The following SENP7 variants were observed in gnomAD, a reference collection of about 807,000 sequenced individuals.
SENP7 encodes the protein SUMO specific peptidase 7, also known as sentrin-specific protease 7.
Under a neutral mutation model 141.2 loss-of-function variants are expected in SENP7, and 64 were observed. That is an observed-to-expected ratio of 0.45 (90% confidence interval 0.37 to 0.56). The LOEUF is 0.56. SENP7 is among the 20% of genes least tolerant of loss of function. The pLI is 0.00. For synonymous variants in SENP7, 382 were observed against 426.4 expected (o/e 0.90, Z 1.28); for missense variants, 1,025 against 1,212.2 (o/e 0.85, Z 2.29).
intron 3 of SENP7, among the ~76,000 whole-genome samples, chr3:101,485,590 G>A (rs1233331891): frequency 3.9e-5 from 6 of 152,072 alleles, no homozygotes; most frequent in African/African-American, 9.7e-5. Context: ...ATATGCCATG[G>A]GACAAAAGAA....
intron 2 of SENP7, among the ~76,000 whole-genome samples, chr3:101,500,361 C>T (rs1028537743): frequency 1.3e-5 from 2 of 152,054 alleles, no homozygotes; most frequent in African/African-American, 4.8e-5. Flanking sequence ...GTGAGACCAG[C>T]CTGGGCAACA....
At chr3:101,504,908 G>A (rs1456283265) in intron 1 of SENP7, among the ~76,000 whole-genome samples, 3 of 151,958 alleles carry the variant, frequency 2.0e-5, no homozygotes, top group African/African-American at 7.3e-5. Context: ...GGTCTCAGCT[G>A]CTTGGGAGGC....
chr3:101,474,923 A>T (rs186760214), intron 3 of SENP7, among the ~76,000 whole-genome samples: 86 of 152,298 alleles, frequency 5.6e-4, no homozygotes, highest in African/African-American at 1.8e-3. Flanking sequence ...GAAGATTTAG[A>T]CTGGCTGAAT....
chr3:101,458,695 A>G (rs2063441520), intron 4 of SENP7: 1 of 232,352 alleles, frequency 4.3e-6, no homozygotes, highest in African/African-American at 2.3e-5. Flanking sequence ...ACAATGATTC[A>G]ATCATCATTA....
chr3:101,442,082 C>T (rs2062697639), intron 4 of SENP7, among the ~76,000 whole-genome samples: 1 of 152,108 alleles, frequency 6.6e-6, no homozygotes, highest in Admixed American at 6.5e-5. Flanking sequence ...AAAGAAACAA[C>T]TGTCACACCA....
chr3:101,482,163 A>T (rs571837353), intron 3 of SENP7, among the ~76,000 whole-genome samples: 109 of 152,106 alleles, frequency 7.2e-4, no homozygotes, highest in African/African-American at 2.3e-3. Context: ...ACAAAAAAAA[A>T]TTAGCCAGGT....
intron 11 of SENP7, chr3:101,358,524 A>G (rs532640713): frequency 1.2e-4 from 33 of 266,606 alleles, no homozygotes; most frequent in African/African-American, 6.9e-4. Flanking sequence ...AAAGAATGTG[A>G]CAAAGCTTTT....
At chr3:101,342,512 C>A (rs2059353033) in intron 14 of SENP7, among the ~76,000 whole-genome samples, 2 of 152,134 alleles carry the variant, frequency 1.3e-5, no homozygotes, top group African/African-American at 4.8e-5. Context: ...TCTTATCATA[C>A]ACAACCATAA....
At chr3:101,370,465 CTAAAGG>C (rs1381624823) in intron 7 of SENP7, among the ~76,000 whole-genome samples, 2 of 152,058 alleles carry the variant, frequency 1.3e-5, no homozygotes, top group African/African-American at 4.8e-5. Context: ...CCATAAGCCC[CTAAAGG>C]TATAGTATTT....
intron 5 of SENP7, among the ~76,000 whole-genome samples, chr3:101,411,844 C>T (rs1334900275): frequency 2.0e-5 from 3 of 152,102 alleles, no homozygotes; most frequent in South Asian, 4.2e-4. Flanking sequence ...CTATGAAATC[C>T]CACTTCGAAA....
At position 101,372,129 on chromosome 3, in the gene SENP7, G is replaced by A. The variant is rs371557661; in HGVS notation, c.678-3C>T. Reference sequence around the variant, plus strand: ...CTGTCTTACTTCGTTGTGAGCCCCTGCAAAAGAGAACTGTATTATACTCAA... The same window carrying A: ...CTGTCTTACTTCGTTGTGAGCCCCTACAAAAGAGAACTGTATTATACTCAA... On this transcript the variant is annotated splice_region_variant and splice_polypyrimidine_tract_variant and intron_variant, in intron 6 of 23. Coordinates refer to ENST00000394095, the MANE Select transcript of SENP7 (RefSeq NM_020654.5). 4.3e-5 allele frequency: 65 copies of A among 1,497,874 alleles called. No individual in the cohort carries two copies. In the African/African-American group the frequency reaches 8.0e-4, roughly 18 times the overall value. The allele number at this position is 1,497,874 out of a possible 1,614,324, so 92.8% of individuals were successfully genotyped here. A position where few individuals can be genotyped will look rare whatever the true frequency, so the allele number is the denominator to read the frequency against.
intron 3 of SENP7, among the ~76,000 whole-genome samples, chr3:101,477,225 A>C (rs972798452): frequency 6.6e-6 from 1 of 152,144 alleles, no homozygotes; most frequent in African/African-American, 2.4e-5. Flanking sequence ...ATTTTTAAAA[A>C]TCAAAATAAT....
At chr3:101,406,391 C>T (rs1413939130) in intron 5 of SENP7, among the ~76,000 whole-genome samples, 1 of 151,690 alleles carries the variant, frequency 6.6e-6, no homozygotes, top group African/African-American at 2.4e-5. Context: ...AATGAGAACA[C>T]CTGGACACAG....
chr3:101,504,635 T>C (rs1028922895), intron 1 of SENP7, among the ~76,000 whole-genome samples: 1 of 151,818 alleles, frequency 6.6e-6, no homozygotes, highest in Admixed American at 6.6e-5. Context: ...ACAAAACACA[T>C]ATCTACATAT....
intron 4 of SENP7, among the ~76,000 whole-genome samples, chr3:101,447,806 G>T (rs1416079318): frequency 6.6e-6 from 1 of 151,786 alleles, no homozygotes; most frequent in East Asian, 1.9e-4. Context: ...TAGCAAAGTT[G>T]TAAGACCCAC....
At position 101,324,999 on chromosome 3, in the gene SENP7, C is replaced by G. The variant is rs914049475; in HGVS notation, c.*944G>C. On this transcript the variant is annotated 3_prime_UTR_variant, in exon 24 of 24. Coordinates refer to ENST00000394095, the MANE Select transcript of SENP7 (RefSeq NM_020654.5). ...AAGCAATGAGAGCAATCTGGCTTTGCAGATGAATACTGGGTAAACTGAGCT... is the reference window on the plus strand; with the variant it reads ...AAGCAATGAGAGCAATCTGGCTTTGGAGATGAATACTGGGTAAACTGAGCT... The G allele has an allele frequency of 6.6e-6, 1 of 151,934 alleles. No homozygotes were observed. Among genetic ancestry groups the G allele is most frequent in the Non-Finnish European group, 1.5e-5 (1 of 67,946 alleles). 9.4% of individuals were successfully genotyped at this position (151,934 alleles called of 1,614,324 possible). A position where few individuals can be genotyped will look rare whatever the true frequency, so the allele number is the denominator to read the frequency against.
intron 6 of SENP7, among the ~76,000 whole-genome samples, chr3:101,379,632 C>A (rs1222154898): frequency 2.0e-5 from 3 of 152,078 alleles, no homozygotes; most frequent in African/African-American, 4.8e-5. Context: ...CAATGAGATT[C>A]CACCTCACAT....
At chr3:101,415,463 A>C (rs1269099459) in intron 5 of SENP7, among the ~76,000 whole-genome samples, 1 of 150,964 alleles carries the variant, frequency 6.6e-6, no homozygotes, top group Non-Finnish European at 1.5e-5. Flanking sequence ...TGATTGTGAT[A>C]TATACTAGTA....
chr3:101,426,024 C>T lies in SENP7; in HGVS notation c.285-8234G>A, dbSNP rs556803559. 2.0e-5 allele frequency among the ~76,000 whole-genome samples: 3 copies of T among 152,208 alleles called. No individual in the cohort carries two copies. The South Asian group carries it at 6.2e-4, about 32-fold the overall frequency. On this transcript the variant is annotated intron_variant, in intron 4 of 23. Transcript: ENST00000394095. ...TAAGGGATTATGTAAAGAGACTAAA[C>T]CTACAACTCACTAGTGTACCTGAAA... is the stretch of plus-strand genomic sequence containing the variant.
Sources: allele counts gnomAD v4.1 joint callset (sites outside exome capture counted in the v4.1 genomes callset), GRCh38; gene constraint gnomAD v4.1.1; transcripts MANE v1.5; gene names NCBI Gene and HGNC (gene_info 2026-07-23, HGNC 2026-07-21).